PDE4B: variants seen among roughly 807,000 people sequenced by gnomAD.
PDE4B encodes 3',5'-cyclic-AMP phosphodiesterase 4B.
In PDE4B, 20 loss-of-function variants were observed where a neutral mutation model predicts 82.2. The observed-to-expected ratio is 0.24, with a 90% confidence interval of 0.17 to 0.35. PDE4B has a LOEUF of 0.35. PDE4B is among the 10% of genes least tolerant of loss of function. PDE4B has a pLI of 1.00. For missense variants in PDE4B, 655 were observed against 907.2 expected (o/e 0.72, Z 3.57); for synonymous variants, 320 against 318.9 (o/e 1.00, Z -0.04).
Position 65,860,663 on chromosome 1 carries a change from A to G in PDE4B, c.-70-52582A>G, listed in dbSNP as rs948971701. On this transcript the variant is annotated intron_variant, in intron 1 of 16. Transcript: ENST00000341517. ...GTTGAACTAATTTACACTCCCTCCA[A>G]CAATGTAAAAGCTTTCCTATTTCTC... Among the ~76,000 whole-genome samples, 4 of 152,120 alleles carry G rather than the reference A, an allele frequency of 2.6e-5. No homozygotes were observed. The East Asian group carries it at 7.7e-4, about 29-fold the overall frequency.
chr1:66,095,846 A>T (rs1645103468), intron 3 of PDE4B, among the ~76,000 whole-genome samples: 1 of 151,932 alleles, frequency 6.6e-6, no homozygotes, highest in Non-Finnish European at 1.5e-5. Flanking sequence ...CCCACAAATC[A>T]ACTACTTTAA....
chr1:66,070,787 G>C (rs1241187107), intron 3 of PDE4B, among the ~76,000 whole-genome samples: 1 of 152,086 alleles, frequency 6.6e-6, no homozygotes, highest in Non-Finnish European at 1.5e-5. Flanking sequence ...GATTAAAATT[G>C]TTATACTTTA....
intron 3 of PDE4B, among the ~76,000 whole-genome samples, chr1:65,943,093 G>C (rs977545704): frequency 1.3e-5 from 2 of 151,854 alleles, no homozygotes; most frequent in Non-Finnish European, 2.9e-5. Context: ...ACCCAGACCA[G>C]TGTAATGGAG....
At chr1:66,181,296 T>A (rs936091814) in intron 3 of PDE4B, among the ~76,000 whole-genome samples, 14 of 152,194 alleles carry the variant, frequency 9.2e-5, no homozygotes, top group African/African-American at 3.4e-4. Context: ...ATACCCACCC[T>A]TGGGTAAATA....
chr1:65,954,056 C>A (rs1649137366), intron 3 of PDE4B, among the ~76,000 whole-genome samples: 1 of 151,942 alleles, frequency 6.6e-6, no homozygotes, highest in Non-Finnish European at 1.5e-5. Flanking sequence ...GCCACCACAC[C>A]CAGCTTATTT....
At chr1:65,852,233 G>A (rs186947903) in intron 1 of PDE4B, among the ~76,000 whole-genome samples, 2 of 152,048 alleles carry the variant, frequency 1.3e-5, no homozygotes, top group African/African-American at 2.4e-5. Context: ...AAAATGAAAT[G>A]AGATTTTTTT....
At chr1:65,997,759 G>A (rs1651632261) in intron 3 of PDE4B, among the ~76,000 whole-genome samples, 1 of 152,182 alleles carries the variant, frequency 6.6e-6, no homozygotes, top group African/African-American at 2.4e-5. Context: ...ATGAGAAAAA[G>A]CCCTTGTCTT....
At chr1:66,023,204 T>C (rs1028187718) in intron 3 of PDE4B, among the ~76,000 whole-genome samples, 4 of 152,136 alleles carry the variant, frequency 2.6e-5, no homozygotes, top group Non-Finnish European at 5.9e-5. Context: ...ATCTAAAAGG[T>C]AGTTAATGCA....
At chr1:65,921,663 C>T (rs1334686027) in intron 3 of PDE4B, among the ~76,000 whole-genome samples, 2 of 152,256 alleles carry the variant, frequency 1.3e-5, no homozygotes, top group African/African-American at 2.4e-5. Context: ...AATGTGTAAA[C>T]GAAGAAGTGT....
At chr1:65,940,463 A>T (rs1420685105) in intron 3 of PDE4B, among the ~76,000 whole-genome samples, 1 of 152,154 alleles carries the variant, frequency 6.6e-6, no homozygotes, top group Non-Finnish European at 1.5e-5. Context: ...ATTTGACTTT[A>T]AAAAAATAAT....
At chr1:66,048,355 T>G (rs986355577) in intron 3 of PDE4B, among the ~76,000 whole-genome samples, 1 of 151,956 alleles carries the variant, frequency 6.6e-6, no homozygotes, top group African/African-American at 2.4e-5. Flanking sequence ...TAATGAATAA[T>G]CTTTTCTTGC....
chr1:66,029,061 CT>C (rs1371258921), intron 3 of PDE4B, among the ~76,000 whole-genome samples: 1 of 152,206 alleles, frequency 6.6e-6, no homozygotes, highest in East Asian at 1.9e-4. Flanking sequence ...TTTCACACTG[CT>C]TATAAAGACA....
At chr1:66,254,248 A>C (rs535234312) in intron 4 of PDE4B, among the ~76,000 whole-genome samples, 1 of 152,324 alleles carries the variant, frequency 6.6e-6, no homozygotes, top group East Asian at 1.9e-4. Flanking sequence ...GAAGAAAAGC[A>C]AGAAAGCAAG....
chr1:66,283,562 A>ACTTG (rs377641549), intron 7 of PDE4B, among the ~76,000 whole-genome samples: 8 of 22,700 alleles, frequency 3.5e-4, no homozygotes, highest in African/African-American at 2.1e-3. Context: ...AATTTTTACA[A>ACTTG]CTTTTTAAAA....
chr1:66,229,468 A>G (rs1035411114), intron 3 of PDE4B, among the ~76,000 whole-genome samples: 6 of 152,198 alleles, frequency 3.9e-5, no homozygotes, highest in African/African-American at 1.4e-4. Flanking sequence ...CCAATCTTCC[A>G]TGAACTTATT....
At chr1:66,220,456 G>A (rs940475966) in intron 3 of PDE4B, among the ~76,000 whole-genome samples, 11 of 152,138 alleles carry the variant, frequency 7.2e-5, no homozygotes, top group African/African-American at 2.7e-4. Flanking sequence ...AAGTTGAGGG[G>A]CTTTTAATGT....
intron 3 of PDE4B, among the ~76,000 whole-genome samples, chr1:66,063,324 T>C (rs1266598724): frequency 6.6e-6 from 1 of 151,982 alleles, no homozygotes; most frequent in Non-Finnish European, 1.5e-5. Flanking sequence ...AATTGAAGAG[T>C]AAAAAATAAT....
chr1:66,228,541 A>G lies in PDE4B; in HGVS notation c.282-18919A>G, dbSNP rs569126383. 7.2e-4 allele frequency among the ~76,000 whole-genome samples: 110 copies of G among 151,888 alleles called. 1 individual carries two copies. The South Asian group carries it at 0.018, about 25-fold the overall frequency. On this transcript the variant is annotated intron_variant, in intron 3 of 16. Coordinates refer to ENST00000341517, the MANE Select transcript of PDE4B (RefSeq NM_002600.4). The stretch of plus-strand genomic sequence containing the variant: ...CAGGAGGCTGAGGCAGGAGAATGGC[A>G]TGAACCCGGGAGGCGGAGCTTGCAG...
intron 3 of PDE4B, 118 bp downstream of exon 3, chr1:65,918,953 T>C (rs1647192755): frequency 1.5e-6 from 1 of 671,200 alleles, no homozygotes. Flanking sequence ...GATTGACATT[T>C]TGAGAATTCG....
Sources: allele counts gnomAD v4.1 joint callset (sites outside exome capture counted in the v4.1 genomes callset), GRCh38; gene constraint gnomAD v4.1.1; transcripts MANE v1.5; gene names NCBI Gene and HGNC (gene_info 2026-07-23, HGNC 2026-07-21).